Variants in PFKFB3 observed in about 807,000 individuals in gnomAD.
PFKFB3 encodes 6-phosphofructo-2-kinase/fructose-2,6-biphosphatase 3.
Under a neutral mutation model 68.0 loss-of-function variants are expected in PFKFB3, and 33 were observed. That is an observed-to-expected ratio of 0.49 (90% confidence interval 0.37 to 0.65). The LOEUF is 0.65. PFKFB3 is among the 30% of genes least tolerant of loss of function. PFKFB3 has a pLI of 0.00. For synonymous variants in PFKFB3, 315 were observed against 288.2 expected, an observed-to-expected ratio of 1.09 and a Z score of -0.94; for missense variants, 586 against 712.2, an observed-to-expected ratio of 0.82 and a Z score of 2.02.
downstream of PFKFB3, among the ~76,000 whole-genome samples, chr10:6,237,328 C>T (rs1187526395): frequency 6.6e-6 from 1 of 152,262 alleles, no homozygotes; most frequent in African/African-American, 2.4e-5. Flanking sequence ...ACCTGGCCCG[C>T]AGTGGGCTCT....
intron 11 of PFKFB3, among the ~76,000 whole-genome samples, chr10:6,223,652 T>G (rs532488805): frequency 6.6e-6 from 1 of 152,330 alleles, no homozygotes; most frequent in Non-Finnish European, 1.5e-5. Flanking sequence ...GACAAAGTTT[T>G]GCTCTTCTTG....
chr10:6,271,426 G>C, the PFKFB3 span, among the ~76,000 whole-genome samples: 4 of 152,236 alleles, frequency 2.6e-5, no homozygotes, highest in Non-Finnish European at 5.9e-5. Context: ...TCAAACTTCA[G>C]ATGTGTCTAT....
intron 1 of PFKFB3, among the ~76,000 whole-genome samples, chr10:6,166,229 G>T (rs1394053117): frequency 6.6e-6 from 1 of 152,008 alleles, no homozygotes; most frequent in Admixed American, 6.6e-5. Context: ...TGATCCGCCC[G>T]CCTCGGTCTC....
chr10:6,205,575 T>G (rs555798798), intron 1 of PFKFB3, among the ~76,000 whole-genome samples: 6 of 151,966 alleles, frequency 3.9e-5, no homozygotes, highest in Non-Finnish European at 7.4e-5. Flanking sequence ...ATATTTTTAG[T>G]AAAGACGGGG....
At chr10:6,225,594 C>G (rs1845286473) in intron 13 of PFKFB3, among the ~76,000 whole-genome samples, 1 of 152,238 alleles carries the variant, frequency 6.6e-6, no homozygotes, top group South Asian at 2.1e-4. Flanking sequence ...ATCACGCTGT[C>G]CCTCTCATGG....
the PFKFB3 span, among the ~76,000 whole-genome samples, chr10:6,288,372 G>T: frequency 9.8e-6 from 1 of 102,406 alleles, no homozygotes; most frequent in Non-Finnish European, 1.8e-5. Context: ...CCCCACAACA[G>T]TCCCCAGAGT....
chr10:6,156,477 TTTAAA>T (rs1476613660), intron 1 of PFKFB3, among the ~76,000 whole-genome samples: 4 of 142,180 alleles, frequency 2.8e-5, no homozygotes, highest in African/African-American at 1.1e-4. Context: ...GCAAATTCAC[TTTAAA>T]TTAAATTAAT....
chr10:6,231,116 T>G (rs1845711631), intron 14 of PFKFB3: 1 of 675,002 alleles, frequency 1.5e-6, no homozygotes, highest in African/African-American at 1.8e-5. Flanking sequence ...CTGTGCCGGC[T>G]GCTTGGGATC....
In PFKFB3 at chr10:6,229,774, C is replaced by T. The variant is rs994403638; in HGVS notation, c.1516-3121C>T. On this transcript the variant is annotated intron_variant, in intron 14 of 14. Transcript: ENST00000379775. The surrounding 1 kb of genome is among the most constrained non-coding windows in gnomAD (Gnocchi z 4.3). ...CCCGACCTTTTTGGTACCAGGGACC[C>T]GTTTCGTGGAAGAGAATTTTCCCCA... 1.3e-5 allele frequency among the ~76,000 whole-genome samples: 2 copies of T among 152,176 alleles called. No homozygotes were observed. Among genetic ancestry groups the T allele is most frequent in the Non-Finnish European group, 2.9e-5 (2 of 68,040 alleles).
chr10:6,190,190 C>T (rs917377908), intron 1 of PFKFB3, among the ~76,000 whole-genome samples: 10 of 152,076 alleles, frequency 6.6e-5, no homozygotes, highest in Non-Finnish European at 1.5e-4. Flanking sequence ...GTGATCCACC[C>T]GCCTTGGCCT....
the PFKFB3 span, among the ~76,000 whole-genome samples, chr10:6,304,490 A>G: frequency 6.7e-6 from 1 of 148,688 alleles, no homozygotes; most frequent in Non-Finnish European, 1.5e-5. Flanking sequence ...TGTATCTAGT[A>G]TGTTCTTTTT....
At chr10:6,262,314 T>C in the PFKFB3 span, among the ~76,000 whole-genome samples, 73 of 145,036 alleles carry the variant, frequency 5.0e-4, no homozygotes, top group Admixed American at 8.9e-4. Context: ...ATTAGCCGGG[T>C]GGGGTGGGGG....
chr10:6,160,179 G>A (rs1391796207), intron 1 of PFKFB3, among the ~76,000 whole-genome samples: 1 of 152,220 alleles, frequency 6.6e-6, no homozygotes, highest in Non-Finnish European at 1.5e-5. Context: ...TCCATTTGAA[G>A]GGAGGCAGAA....
At chr10:6,159,149 CT>C (rs1332059643) in intron 1 of PFKFB3, among the ~76,000 whole-genome samples, 3 of 152,158 alleles carry the variant, frequency 2.0e-5, no homozygotes, top group Non-Finnish European at 4.4e-5. Flanking sequence ...AATCCCAGCA[CT>C]TTGAGAGACG....
chr10:6,230,098 C>A (rs779828667), intron 14 of PFKFB3, among the ~76,000 whole-genome samples: 2 of 152,166 alleles, frequency 1.3e-5, no homozygotes, highest in African/African-American at 4.8e-5. Context: ...TAGTCCCCCA[C>A]CCGCTAAAGC....
At chr10:6,279,865 G>A in the PFKFB3 span, among the ~76,000 whole-genome samples, 13,573 of 152,226 alleles carry the variant, frequency 0.089, 2,057 homozygotes, top group African/African-American at 0.31. Context: ...GCTGGGTTCT[G>A]GGGATTAATT....
intron 1 of PFKFB3, among the ~76,000 whole-genome samples, chr10:6,182,123 T>C (rs1009117289): frequency 6.6e-6 from 1 of 152,160 alleles, no homozygotes; most frequent in Non-Finnish European, 1.5e-5. Context: ...GGAGCTGAGG[T>C]CCCTGGCTTC....
At chr10:6,153,049 G>A (rs192513401) in intron 1 of PFKFB3, among the ~76,000 whole-genome samples, 4 of 152,194 alleles carry the variant, frequency 2.6e-5, no homozygotes, top group African/African-American at 7.2e-5. Context: ...GTGCATGGTG[G>A]TGGGTGTCTG....
the PFKFB3 span, among the ~76,000 whole-genome samples, chr10:6,320,459 T>C: frequency 6.7e-6 from 1 of 150,110 alleles, no homozygotes; most frequent in Non-Finnish European, 1.5e-5. Flanking sequence ...CTTCTTCTTC[T>C]TCTTTTTTTT....
Sources: gnomAD v4.1 joint callset for allele counts (sites outside exome capture counted in the v4.1 genomes callset) on GRCh38, gnomAD v4.1.1 for gene constraint, Gnocchi (gnomAD v3.1) non-coding constraint, MANE v1.5 for transcripts, NCBI Gene and HGNC (gene_info 2026-07-23, HGNC 2026-07-21) for gene names.